CCDC120: variants seen among roughly 807,000 people sequenced by gnomAD.
CCDC120 encodes the protein coiled-coil domain-containing protein 120.
Under a neutral mutation model 37.6 loss-of-function variants are expected in CCDC120, and 16 were observed. The observed-to-expected ratio is 0.43, with a 90% confidence interval of 0.29 to 0.65. The LOEUF (loss-of-function observed/expected upper bound fraction) is 0.65. Among genes scored for constraint, CCDC120 ranks in the 30% least tolerant of loss-of-function variants. CCDC120 has a pLI of 0.18. For missense variants in CCDC120, 650 were observed against 657.4 expected (o/e 0.99, Z 0.12); for synonymous variants, 309 against 275.4 (o/e 1.12, Z -1.21).
At position 49,065,403 on chromosome X, in the gene CCDC120, C is replaced by G. The variant is rs374756290; in HGVS notation, c.788-51C>G. On this transcript the variant is annotated intron_variant, in intron 7 of 10. Coordinates refer to ENST00000603986, the MANE Select transcript of CCDC120 (RefSeq NM_001163321.4). ...CCTTGCCCCCCAGCCTGTCCTGCCCCCTCTGGGCCCCCCTCATTGAATTCT... is the reference window on the plus strand; with the variant it reads ...CCTTGCCCCCCAGCCTGTCCTGCCCGCTCTGGGCCCCCCTCATTGAATTCT... 1.6e-5 allele frequency: 18 copies of G among 1,124,492 alleles called. No homozygotes were observed. The South Asian group carries it at 2.2e-4, about 14-fold the overall frequency. 92.7% of individuals were successfully genotyped at this position (1,124,492 alleles called of 1,213,427 possible).
In CCDC120 at chrX:49,063,924, C is replaced by T. The variant is rs782350053; in HGVS notation, c.352C>T (p.Arg118Cys). 5.6e-5 allele frequency: 68 copies of T among 1,207,655 alleles called. No individual in the cohort carries two copies. The South Asian group carries it at 7.6e-4, about 14-fold the overall frequency. Residue 118 changes from arginine (R) to cysteine (C), a missense_variant, in exon 5 of 11, where the codon CGC becomes TGC. Physicochemically the swap from Arg to Cys is radical, Grantham distance 180. This residue lies in a region of CCDC120 where 576 missense variants were observed against 565.3 expected (regional missense o/e 1.02). Coordinates refer to ENST00000603986, the MANE Select transcript of CCDC120 (RefSeq NM_001163321.4). ...LEPGERPQLVRRRPPTARAYP... is the reference protein window; with the variant it reads ...LEPGERPQLVCRRPPTARAYP... ...GCCTGGTGAACGGCCCCAGTTGGTC[C>T]GCCGGCGGCCCCCCACAGCCCGCGC...
In CCDC120 at chrX:49,062,542, C is replaced by T. The variant is rs1557079815; in HGVS notation, c.229C>T (p.Leu77=). The T allele has an allele frequency of 8.3e-7, 1 of 1,211,133 alleles. No homozygotes were observed. Among genetic ancestry groups the T allele is most frequent in the Non-Finnish European group, 1.1e-6 (1 of 895,250 alleles). The change falls in exon 4 of 11, where the codon CTG becomes TTG. Residue 77 remains leucine, a synonymous_variant. Transcript: ENST00000603986. The stretch of plus-strand genomic sequence containing the variant: ...GGGGCTGCTTGACCGGCAGCGGACC[C>T]TGCAGGAGGCCCTGAGCCTGAAACT... ...LRGLLDRQRT[L]QEALSLKLQE...
At chrX:49,059,236 G>T (rs1384719317) in intron 1 of CCDC120, 141 bp downstream of exon 1, 6 of 404,423 alleles carry the variant, frequency 1.5e-5, no homozygotes, top group Non-Finnish European at 1.6e-5. Context: ...CAGGGTGGTG[G>T]TGGGGGGGTA....
chrX:49,068,094 TG>T lies in CCDC120; in HGVS notation c.1976+10del, dbSNP rs1256077331. 2 of 1,162,567 alleles carry T rather than the reference TG, an allele frequency of 1.7e-6. No individual in the cohort carries two copies. The highest frequency in any genetic ancestry group is 1.9e-5 in the South Asian group (1 of 52,024). Reference sequence around the variant, plus strand: ...CGGCGCCCCCTGTCTCTGGCAGGTATGGGGGGTGCTTTTACTGATGGGTAGG... The same window carrying T: ...CGGCGCCCCCTGTCTCTGGCAGGTATGGGGGTGCTTTTACTGATGGGTAGG... On this transcript the variant is annotated splice_donor_5th_base_variant and intron_variant, in intron 10 of 10. Transcript: ENST00000603986.
In CCDC120 at chrX:49,059,242, G is replaced by A; in HGVS notation, c.-84+147G>A. The A allele has an allele frequency of 4.4e-6, 2 of 453,213 alleles. No individual in the cohort carries two copies. The highest frequency in any genetic ancestry group is 5.5e-6 in the Non-Finnish European group (2 of 364,209). 37.3% of individuals were successfully genotyped at this position (453,213 alleles called of 1,213,427 possible). On this transcript the variant is annotated intron_variant, in intron 1 of 10. Coordinates refer to ENST00000603986, the MANE Select transcript of CCDC120 (RefSeq NM_001163321.4). ...AATGCAGGGCAGGGTGGTGGTGGGG[G>A]GGTAGGGGGGCAGTGAGAATGGAGG...
At chrX:49,064,306 A>G in intron 5 of CCDC120, 64 bp from the exon 6 acceptor site, 4 of 1,074,192 alleles carry the variant, frequency 3.7e-6, no homozygotes, top group South Asian at 2.2e-5. Context: ...GCCAGCCTCT[A>G]CTGGGTTTGG....
chrX:49,061,614 G>A (rs2064887026), intron 1 of CCDC120, among the ~76,000 whole-genome samples: 1 of 112,537 alleles, frequency 8.9e-6, no homozygotes, highest in Non-Finnish European at 1.9e-5. Flanking sequence ...GGGGTGGTGA[G>A]AGGTTGAAGA....
Position 49,067,197 on chromosome X carries a change from T to G in CCDC120, c.1083T>G (p.Arg361=). 1 of 1,210,740 alleles carries G rather than the reference T, an allele frequency of 8.3e-7. No individual in the cohort carries two copies. The highest frequency in any genetic ancestry group is 1.1e-6 in the Non-Finnish European group (1 of 894,953). Residue 361 remains arginine (R), a synonymous_variant, in exon 10 of 11, where the codon CGT becomes CGG. Transcript: ENST00000603986. ...CCAGACCTGAAGGCCTTCATTCTCG[T>G]CAGTGGTCCGGCAGCCAGGACTCCC... ...QLCKPEGLHS[R]QWSGSQDSQM... is the part of the protein sequence containing the mutation.
chrX:49,059,411 C>T, intron 1 of CCDC120: 1 of 714,866 alleles, frequency 1.4e-6, no homozygotes, highest in Non-Finnish European at 1.7e-6. Flanking sequence ...TTCCTTTCCT[C>T]CCCGCCAGGA....
chrX:49,065,946 G>A (rs1183933021), intron 9 of CCDC120, 101 bp downstream of exon 9: 2 of 808,855 alleles, frequency 2.5e-6, no homozygotes, highest in African/African-American at 2.1e-5. Flanking sequence ...GGGATGGCTG[G>A]GCGCGGTGGC....
At chrX:49,062,801 T>C in intron 4 of CCDC120, 200 bp downstream of exon 4, 1 of 465,802 alleles carries the variant, frequency 2.1e-6, no homozygotes, top group Non-Finnish European at 3.5e-6. Flanking sequence ...GGCTCACGCC[T>C]GTAATCCCAG....
At chrX:49,062,781 T>G (rs1394410940) in intron 4 of CCDC120, 180 bp downstream of exon 4, 1 of 525,332 alleles carries the variant, frequency 1.9e-6, no homozygotes. Context: ...TGAAATAGGC[T>G]GGGCGCTGTG....
At chrX:49,068,113 T>G in intron 10 of CCDC120, 23 bp downstream of exon 10, 4 of 1,155,163 alleles carry the variant, frequency 3.5e-6, no homozygotes, top group Non-Finnish European at 3.5e-6. Flanking sequence ...CTTTTACTGA[T>G]GGGTAGGGGT....
rs1160013361 is a variant in CCDC120, at chrX:49,069,381, C to CTT, written c.*732_*733dup. 4.8e-5 allele frequency: 1 copy of CTT among 20,808 alleles called. No individual in the cohort carries two copies. The allele number at this position is 20,808 out of a possible 1,213,427, so 1.7% of individuals were successfully genotyped here. ...CACCTTCCTTGGCTTTCCTTCCACC[C>CTT]TTTTTTTTTTCTCGAGACGGAGTCT... On this transcript the variant is annotated 3_prime_UTR_variant, in exon 11 of 11. Transcript: ENST00000603986.
intron 1 of CCDC120, among the ~76,000 whole-genome samples, chrX:49,061,470 A>G (rs1299138073): frequency 8.9e-6 from 1 of 112,895 alleles, no homozygotes; most frequent in Non-Finnish European, 1.9e-5. Context: ...GCTGCTGAAA[A>G]TGGGACAGAT....
intron 9 of CCDC120, 94 bp from the exon 10 acceptor site, chrX:49,067,082 G>A: frequency 1.3e-6 from 1 of 789,538 alleles, no homozygotes; most frequent in Non-Finnish European, 1.8e-6. Context: ...ATGTGAAAGT[G>A]AAGGCTTAGA....
At chrX:49,064,256 C>A (rs1293797774) in intron 5 of CCDC120, 114 bp from the exon 6 acceptor site, 2 of 892,711 alleles carry the variant, frequency 2.2e-6, no homozygotes, top group Non-Finnish European at 3.0e-6. Context: ...ACGCCCCCTC[C>A]CCGGGGTGAA....
upstream of CCDC120, among the ~76,000 whole-genome samples, chrX:49,058,463 A>G (rs374606310): frequency 3.6e-5 from 4 of 112,252 alleles, no homozygotes; most frequent in East Asian, 8.4e-4. Context: ...CTTAGTGCCA[A>G]GACACAAAAA....
chrX:49,060,798 G>A (rs782177416), intron 1 of CCDC120, among the ~76,000 whole-genome samples: 9 of 112,168 alleles, frequency 8.0e-5, no homozygotes, highest in African/African-American at 2.9e-4. Context: ...CAGGAGGACT[G>A]CAGAGAAACA....
Sources: allele counts gnomAD v4.1 joint callset (sites outside exome capture counted in the v4.1 genomes callset), GRCh38; gene constraint gnomAD v4.1.1; regional missense constraint gnomAD v4.1.1; transcripts MANE v1.5; gene names NCBI Gene and HGNC (gene_info 2026-07-23, HGNC 2026-07-21).